The following RAB10 variants were observed in gnomAD, a reference collection of about 807,000 sequenced individuals.
RAB10 encodes RAB10, member RAS oncogene family.
In RAB10, 5 loss-of-function variants were observed where a neutral mutation model predicts 25.7. The ratio of observed to expected loss-of-function variants is 0.19; its 90% CI spans 0.10 to 0.41. The LOEUF is 0.41. RAB10 is among the 10% of genes least tolerant of loss of function. The probability of loss-of-function intolerance (pLI) is 1.00; values close to 1 mark genes in which losing one functional copy is unlikely to be tolerated. For missense variants in RAB10, 103 were observed against 245.8 expected (o/e 0.42, Z 3.89); for synonymous variants, 89 against 86.4 (o/e 1.03, Z -0.16).
intron 1 of RAB10, among the ~76,000 whole-genome samples, chr2:26,056,944 T>C (rs745896381): frequency 2.6e-5 from 4 of 152,190 alleles, no homozygotes; most frequent in Non-Finnish European, 4.4e-5. Flanking sequence ...TGGTGCCTAC[T>C]ATGAAGGACT....
At chr2:26,094,050 C>T (rs1282920174) in intron 1 of RAB10, among the ~76,000 whole-genome samples, 1 of 151,842 alleles carries the variant, frequency 6.6e-6, no homozygotes, top group Non-Finnish European at 1.5e-5. Context: ...TGTGCACCAC[C>T]ATGCCTGGCT....
chr2:26,100,348 C>T (rs377006145), intron 2 of RAB10, among the ~76,000 whole-genome samples: 118 of 152,192 alleles, frequency 7.8e-4, no homozygotes, highest in African/African-American at 2.5e-3. Context: ...AAAAATTATT[C>T]CCTGACAGTC....
intron 1 of RAB10, among the ~76,000 whole-genome samples, chr2:26,080,413 AT>A (rs1666841959): frequency 2.0e-5 from 3 of 152,184 alleles, no homozygotes; most frequent in Admixed American, 2.0e-4. Flanking sequence ...GAGAAACATG[AT>A]AATTATTTAG....
chr2:26,065,799 A>G (rs912694124), intron 1 of RAB10, among the ~76,000 whole-genome samples: 4 of 152,182 alleles, frequency 2.6e-5, no homozygotes, highest in African/African-American at 4.8e-5. Flanking sequence ...ATATTTGTAC[A>G]TTTCCACATC....
At chr2:26,072,426 T>TATA (rs1198488133) in intron 1 of RAB10, among the ~76,000 whole-genome samples, 4 of 151,254 alleles carry the variant, frequency 2.6e-5, no homozygotes, top group South Asian at 2.1e-4. Context: ...AAAATACATA[T>TATA]ATAATAATAA....
Position 26,074,631 on chromosome 2 carries a change from CTAG to C in RAB10, c.128-24029_128-24027del, listed in dbSNP as rs567158410. Among the ~76,000 whole-genome samples, 523 of 152,278 alleles carry C rather than the reference CTAG, an allele frequency of 3.4e-3. 4 individuals are homozygous for C. The highest frequency in any genetic ancestry group is 8.7e-3 in the African/African-American group (362 of 41,544). Reference sequence around the variant, plus strand: ...ATGGGGTTTTACCATGTTAGCCAGGCTAGTCTCAAACTCCTGACCTCAGGTGAT... The same window carrying C: ...ATGGGGTTTTACCATGTTAGCCAGGCTCTCAAACTCCTGACCTCAGGTGAT... On this transcript the variant is annotated intron_variant, in intron 1 of 5. Coordinates refer to ENST00000264710, the MANE Select transcript of RAB10 (RefSeq NM_016131.5).
At chr2:26,078,529 A>G (rs781716906) in intron 1 of RAB10, among the ~76,000 whole-genome samples, 1 of 152,152 alleles carries the variant, frequency 6.6e-6, no homozygotes, top group Non-Finnish European at 1.5e-5. Flanking sequence ...TGGTCAGCTG[A>G]TTTTTGACAG....
At chr2:26,041,569 A>AT (rs1665887735) in intron 1 of RAB10, among the ~76,000 whole-genome samples, 1 of 146,474 alleles carries the variant, frequency 6.8e-6, no homozygotes, top group Non-Finnish European at 1.5e-5. Context: ...AAAAAAAAGA[A>AT]TGTTAGCTGT....
At chr2:26,108,897 ATTTATTT>A (rs1667518366) in intron 2 of RAB10, among the ~76,000 whole-genome samples, 1 of 148,832 alleles carries the variant, frequency 6.7e-6, no homozygotes, top group African/African-American at 2.5e-5. Flanking sequence ...TTATTTATTT[ATTTATTT>A]ATTTATTTAT....
intron 2 of RAB10, among the ~76,000 whole-genome samples, chr2:26,105,296 T>C (rs1667444694): frequency 6.6e-6 from 1 of 152,172 alleles, no homozygotes; most frequent in Admixed American, 6.5e-5. Context: ...AAGCAGCCAG[T>C]GACTTAGAAT....
At chr2:26,109,300 G>A (rs1667526286) in intron 2 of RAB10, among the ~76,000 whole-genome samples, 1 of 152,096 alleles carries the variant, frequency 6.6e-6, no homozygotes, top group Non-Finnish European at 1.5e-5. Flanking sequence ...ACAAATGAGA[G>A]GGCATAGTTA....
chr2:26,131,948 C>T (rs985312530), intron 5 of RAB10, among the ~76,000 whole-genome samples: 1 of 152,222 alleles, frequency 6.6e-6, no homozygotes, highest in Non-Finnish European at 1.5e-5. Context: ...TGCACATTAA[C>T]TGTGTGTGTA....
At chr2:26,039,247 C>G (rs976949944) in intron 1 of RAB10, among the ~76,000 whole-genome samples, 6 of 152,028 alleles carry the variant, frequency 3.9e-5, no homozygotes, top group African/African-American at 1.2e-4. Flanking sequence ...TCTTGAACTC[C>G]TGACGTCAGG....
At chr2:26,092,183 AAAAG>A (rs1039829447) in intron 1 of RAB10, among the ~76,000 whole-genome samples, 7 of 151,740 alleles carry the variant, frequency 4.6e-5, no homozygotes, top group Non-Finnish European at 1.0e-4. Context: ...GAAAAAAAAA[AAAAG>A]AAAAAAGATC....
chr2:26,115,249 G>A (rs1667659737), intron 3 of RAB10, among the ~76,000 whole-genome samples: 1 of 151,680 alleles, frequency 6.6e-6, no homozygotes, highest in Non-Finnish European at 1.5e-5. Flanking sequence ...ATTTACCCAA[G>A]AGAATTAACA....
At chr2:26,062,542 G>A (rs1259136237) in intron 1 of RAB10, among the ~76,000 whole-genome samples, 1 of 152,040 alleles carries the variant, frequency 6.6e-6, no homozygotes, top group Non-Finnish European at 1.5e-5. Flanking sequence ...GCTGGACCTG[G>A]TGGCGCATAC....
intron 1 of RAB10, among the ~76,000 whole-genome samples, chr2:26,071,695 A>C (rs1451440316): frequency 3.3e-5 from 5 of 151,988 alleles, no homozygotes; most frequent in African/African-American, 1.2e-4. Context: ...TCTCAAAAAA[A>C]AAAAAAAGGA....
intron 3 of RAB10, among the ~76,000 whole-genome samples, chr2:26,120,641 G>A (rs952260451): frequency 3.3e-5 from 5 of 151,750 alleles, no homozygotes; most frequent in African/African-American, 1.2e-4. Flanking sequence ...CCAGGCTGGA[G>A]TGCAGTGGTG....
At chr2:26,052,928 C>G (rs1202773295) in intron 1 of RAB10, among the ~76,000 whole-genome samples, 1 of 152,114 alleles carries the variant, frequency 6.6e-6, no homozygotes, top group Non-Finnish European at 1.5e-5. Context: ...ACTGCTAAAC[C>G]CTCCCAAATG....
Sources: allele counts gnomAD v4.1 joint callset (sites outside exome capture counted in the v4.1 genomes callset), GRCh38; gene constraint gnomAD v4.1.1; transcripts MANE v1.5; gene names NCBI Gene and HGNC (gene_info 2026-07-23, HGNC 2026-07-21).